DNM3: variants seen among roughly 807,000 people sequenced by gnomAD.
DNM3 encodes the protein dynamin-3.
Under a neutral mutation model 101.6 loss-of-function variants are expected in DNM3, and 47 were observed. The observed-to-expected ratio is 0.46, with a 90% CI of 0.37 to 0.59. The LOEUF (loss-of-function observed/expected upper bound fraction) is 0.59, where lower values mean the gene tolerates loss of function less well. Ranked by LOEUF, DNM3 falls within the 20% of genes least tolerant of loss-of-function variation. The probability of loss-of-function intolerance (pLI) is 0.00; values close to 1 mark genes in which losing one functional copy is unlikely to be tolerated. For synonymous variants in DNM3, 385 were observed against 387.9 expected, an observed-to-expected ratio of 0.99 and a Z score of 0.09; for missense variants, 849 against 1,085.7, an observed-to-expected ratio of 0.78 and a Z score of 3.06.
At chr1:172,256,905 G>GTTT (rs5778728) in intron 15 of DNM3, among the ~76,000 whole-genome samples, 6 of 144,542 alleles carry the variant, frequency 4.2e-5, no homozygotes, top group African/African-American at 7.6e-5. Flanking sequence ...TCTTCATCAT[G>GTTT]TTTTTTTTTT....
intron 17 of DNM3, 76 bp downstream of exon 17, chr1:172,323,416 T>C: frequency 1.3e-6 from 2 of 1,511,504 alleles, no homozygotes; most frequent in Non-Finnish European, 1.8e-6. Flanking sequence ...GACAAGAGTG[T>C]TCCTGTGCAT....
chr1:172,029,889 G>C (rs2048479712), intron 4 of DNM3, among the ~76,000 whole-genome samples: 2 of 152,044 alleles, frequency 1.3e-5, no homozygotes, highest in Admixed American at 1.3e-4. Flanking sequence ...ACAAACTACT[G>C]CTCAAGGAAA....
At chr1:172,182,464 A>G (rs1313814290) in intron 14 of DNM3, among the ~76,000 whole-genome samples, 1 of 152,138 alleles carries the variant, frequency 6.6e-6, no homozygotes, top group African/African-American at 2.4e-5. Flanking sequence ...TTTTCCCTCA[A>G]ATGCAAATAT....
intron 4 of DNM3, 37 bp from the exon 5 acceptor site, chr1:172,032,365 T>C: frequency 6.7e-7 from 1 of 1,493,006 alleles, no homozygotes; most frequent in Non-Finnish European, 9.3e-7. Context: ...GTTAGTCTTC[T>C]GCAAATTGTG....
At chr1:172,317,928 C>A (rs1276593982) in intron 16 of DNM3, among the ~76,000 whole-genome samples, 3 of 152,110 alleles carry the variant, frequency 2.0e-5, no homozygotes, top group Non-Finnish European at 4.4e-5. Flanking sequence ...GGCAGAGACA[C>A]AACCAAAAAA....
intron 15 of DNM3, among the ~76,000 whole-genome samples, chr1:172,271,304 T>C (rs2063075007): frequency 6.6e-6 from 1 of 152,158 alleles, no homozygotes; most frequent in African/African-American, 2.4e-5. Context: ...CCACCAATTA[T>C]ATTTATTGTT....
intron 14 of DNM3, among the ~76,000 whole-genome samples, chr1:172,235,880 G>C (rs1361337459): frequency 1.3e-5 from 2 of 152,064 alleles, no homozygotes; most frequent in African/African-American, 4.8e-5. Context: ...AGCATTAGGA[G>C]ATATACCTAA....
At chr1:172,395,947 T>C (rs1437178185) in intron 20 of DNM3, among the ~76,000 whole-genome samples, 11 of 152,162 alleles carry the variant, frequency 7.2e-5, no homozygotes, top group Non-Finnish European at 1.6e-4. Context: ...ACATTAAGTA[T>C]TTACATCAAG....
In DNM3 at chr1:171,906,127, AT is replaced by A. The variant is rs767499060; in HGVS notation, c.162-15603del. Among the ~76,000 whole-genome samples the A allele has an allele frequency of 4.9e-3, 649 of 131,338 alleles. 2 individuals carry two copies. Among genetic ancestry groups the A allele is most frequent in the East Asian group, 8.8e-3 (40 of 4,540 alleles). The allele number at this position is 131,338 out of a possible 152,430, so 86.2% of individuals were successfully genotyped here. On this transcript the variant is annotated intron_variant, in intron 1 of 20. Coordinates refer to ENST00000627582, the MANE Select transcript of DNM3 (RefSeq NM_015569.5). ...ATATTTCTAGCTGTAGTTCAATTGC[AT>A]TTTTTTTTTTTTTTTTTGAGATAGG...
intron 1 of DNM3, among the ~76,000 whole-genome samples, chr1:171,871,987 C>T (rs557110647): frequency 5.6e-4 from 84 of 151,232 alleles, no homozygotes; most frequent in Middle Eastern, 3.4e-3. Flanking sequence ...AAGCCTCTAC[C>T]GACTGCCAGC....
chr1:171,959,592 G>A lies in DNM3; in HGVS notation c.236-28064G>A, dbSNP rs544495547. Among the ~76,000 whole-genome samples the A allele has an allele frequency of 1.2e-4, 18 of 152,068 alleles. No individual in the cohort carries two copies. The South Asian group carries it at 2.3e-3, about 19-fold the overall frequency. ...ACCAAAAAATGGATAAAATTGCCCC[G>A]GAAGAATTAAAAACAACAACAACAA... is the stretch of plus-strand genomic sequence containing the variant. On this transcript the variant is annotated intron_variant, in intron 2 of 20. Coordinates refer to ENST00000627582, the MANE Select transcript of DNM3 (RefSeq NM_015569.5).
intron 2 of DNM3, among the ~76,000 whole-genome samples, chr1:171,979,402 A>G (rs1377381230): frequency 6.6e-6 from 1 of 152,230 alleles, no homozygotes; most frequent in Non-Finnish European, 1.5e-5. Context: ...TGTTTGTTGT[A>G]GCATGGTTCA....
intron 2 of DNM3, among the ~76,000 whole-genome samples, chr1:171,950,467 A>G (rs929203899): frequency 1.3e-5 from 2 of 152,170 alleles, no homozygotes; most frequent in African/African-American, 4.8e-5. Context: ...CACTAATGAA[A>G]GTGTTCTGAG....
intron 13 of DNM3, chr1:172,093,589 T>C: frequency 3.3e-6 from 3 of 902,922 alleles, no homozygotes; most frequent in Non-Finnish European, 4.9e-6. Context: ...TTGAAACCTC[T>C]GCTCTAGATT....
intron 18 of DNM3, chr1:172,381,071 GCA>G (rs5778732): frequency 0.61 from 90,974 of 149,450 alleles, 30,746 homozygotes; most frequent in East Asian, 0.87. Context: ...ACACATATGC[GCA>G]CACACACACA....
chr1:172,248,732 C>T (rs1011534393), intron 14 of DNM3, among the ~76,000 whole-genome samples: 1 of 152,116 alleles, frequency 6.6e-6, no homozygotes, highest in Non-Finnish European at 1.5e-5. Context: ...CAGTGTCTGT[C>T]AGTTAAGCAT....
intron 14 of DNM3, among the ~76,000 whole-genome samples, chr1:172,170,411 CTG>C (rs2058911957): frequency 1.3e-5 from 2 of 151,728 alleles, no homozygotes; most frequent in South Asian, 4.1e-4. Context: ...GGGGCCCACT[CTG>C]GAGTCAGGTC....
At position 172,194,247 on chromosome 1, in the gene DNM3, G is replaced by C. The variant is rs536522860; in HGVS notation, c.1660-59326G>C. Among the ~76,000 whole-genome samples, 1,508 of 151,936 alleles carry C rather than the reference G, an allele frequency of 9.9e-3. 32 individuals are homozygous for C. The highest frequency in any genetic ancestry group is 0.034 in the African/African-American group (1,430 of 41,472). ...GAGACAGTTTGTTATAAAGTCTGTT[G>C]TTTTACATTTGCTGAGGAGTGCTTT... On this transcript the variant is annotated intron_variant, in intron 14 of 20. Transcript: ENST00000627582.
At chr1:172,215,718 C>T (rs2060670444) in intron 14 of DNM3, among the ~76,000 whole-genome samples, 1 of 151,884 alleles carries the variant, frequency 6.6e-6, no homozygotes, top group South Asian at 2.1e-4. Flanking sequence ...ACTCAATAGT[C>T]ATCTTCTCTT....
Sources: gnomAD v4.1 joint callset for allele counts (sites outside exome capture counted in the v4.1 genomes callset) on GRCh38, gnomAD v4.1.1 for gene constraint, MANE v1.5 for transcripts, NCBI Gene and HGNC (gene_info 2026-07-23, HGNC 2026-07-21) for gene names.